Variants in DGKI observed in about 807,000 individuals in gnomAD.
The protein encoded by DGKI is DAG kinase iota.
Under a neutral mutation model 147.5 loss-of-function variants are expected in DGKI, and 55 were observed. That is an observed-to-expected ratio of 0.37 (90% confidence interval 0.30 to 0.47). The LOEUF (loss-of-function observed/expected upper bound fraction) is 0.47, where lower values mean the gene tolerates loss of function less well. Among genes scored for constraint, DGKI ranks in the 20% least tolerant of loss-of-function variants. The pLI, the probability that DGKI is intolerant of heterozygous loss-of-function variation, is 1.00. For missense variants in DGKI, 1,007 were observed against 1,323.8 expected (o/e 0.76, Z 3.71); for synonymous variants, 469 against 477.1 (o/e 0.98, Z 0.22).
At chr7:137,699,706 T>C (rs1823911667) in intron 1 of DGKI, among the ~76,000 whole-genome samples, 1 of 152,198 alleles carries the variant, frequency 6.6e-6, no homozygotes, top group Non-Finnish European at 1.5e-5. Context: ...ACAGGGCTGT[T>C]CCCAGTAAAA....
rs11982903 is a variant in DGKI, at chr7:137,634,555, G to A, written c.804+10917C>T. Among the ~76,000 whole-genome samples the A allele has an allele frequency of 1.9e-3, 289 of 152,276 alleles. 2 individuals are homozygous for A. Among genetic ancestry groups the A allele is most frequent in the African/African-American group, 6.3e-3 (262 of 41,532 alleles). ...AGATCACTACATCATAAGGTTGAGT[G>A]AGCCCAGCCTTAATCCATTGTTATA... On this transcript the variant is annotated intron_variant, in intron 6 of 32. Transcript: ENST00000614521.
chr7:137,528,004 A>C (rs923414555), intron 20 of DGKI, among the ~76,000 whole-genome samples: 31 of 152,228 alleles, frequency 2.0e-4, no homozygotes, highest in African/African-American at 7.0e-4. Context: ...CAGCTCCAGC[A>C]GCTAGAACAA....
At chr7:137,572,137 G>A (rs1818814834) in intron 18 of DGKI, among the ~76,000 whole-genome samples, 1 of 152,150 alleles carries the variant, frequency 6.6e-6, no homozygotes, top group Non-Finnish European at 1.5e-5. Flanking sequence ...TGAGTTGTTT[G>A]GCAGGCAAAT....
In DGKI at chr7:137,696,431, C is replaced by CTTT. The variant is rs10609322; in HGVS notation, c.402-6432_402-6430dup. Among the ~76,000 whole-genome samples the CTTT allele has an allele frequency of 1.0e-2, 366 of 36,628 alleles. 53 individuals are homozygous for CTTT. The highest frequency in any genetic ancestry group is 0.026 in the Middle Eastern group (1 of 38). The allele number at this position is 36,628 out of a possible 152,430, so 24.0% of individuals were successfully genotyped here. A position where few individuals can be genotyped will look rare whatever the true frequency, so the allele number is the denominator to read the frequency against. ...GTAAATAAATGCAATGCCCAAAAGA[C>CTTT]TTTTTTTTTTTTTTTTTTTTTTTTT... On this transcript the variant is annotated intron_variant, in intron 1 of 32. Coordinates refer to ENST00000614521, the MANE Select transcript of DGKI (RefSeq NM_001321708.2).
At chr7:137,716,040 G>A (rs1251056140) in intron 1 of DGKI, among the ~76,000 whole-genome samples, 1 of 152,190 alleles carries the variant, frequency 6.6e-6, no homozygotes, top group Non-Finnish European at 1.5e-5. Context: ...GCATGAAGGT[G>A]GATGGCTGAG....
At chr7:137,611,058 C>T (rs907021837) in intron 8 of DGKI, among the ~76,000 whole-genome samples, 2 of 152,136 alleles carry the variant, frequency 1.3e-5, no homozygotes, top group African/African-American at 4.8e-5. Flanking sequence ...AATAGATCTT[C>T]GAGTTTCTAA....
chr7:137,657,419 T>C (rs941305560), intron 3 of DGKI, among the ~76,000 whole-genome samples: 1 of 152,194 alleles, frequency 6.6e-6, no homozygotes, highest in Non-Finnish European at 1.5e-5. Context: ...GAAATAAAAC[T>C]TTTTAAAGTT....
chr7:137,819,472 A>G (rs1237670019), intron 1 of DGKI, among the ~76,000 whole-genome samples: 6 of 151,934 alleles, frequency 3.9e-5, no homozygotes, highest in Non-Finnish European at 8.8e-5. Flanking sequence ...CACCACGCCC[A>G]GCTAATTTTT....
intron 20 of DGKI, among the ~76,000 whole-genome samples, chr7:137,522,570 T>C (rs1289741121): frequency 6.6e-6 from 1 of 152,104 alleles, no homozygotes; most frequent in Non-Finnish European, 1.5e-5. Flanking sequence ...TGTTTAAATA[T>C]GTACAGTGTC....
chr7:137,443,980 A>G (rs2128917383), intron 28 of DGKI, 97 bp downstream of exon 28: 2 of 1,028,294 alleles, frequency 1.9e-6, no homozygotes, highest in East Asian at 2.8e-5. Context: ...TCTTAGAGAC[A>G]TTTGCTTAAA....
intron 5 of DGKI, among the ~76,000 whole-genome samples, chr7:137,646,614 C>A (rs1310201964): frequency 6.6e-6 from 1 of 152,162 alleles, no homozygotes; most frequent in Non-Finnish European, 1.5e-5. Flanking sequence ...ACACCAATAC[C>A]CCTAAAGTAC....
At chr7:137,797,034 G>A (rs983642562) in intron 1 of DGKI, among the ~76,000 whole-genome samples, 6 of 152,016 alleles carry the variant, frequency 3.9e-5, no homozygotes, top group East Asian at 1.9e-4. Flanking sequence ...GTCAAAAACC[G>A]AATCAGACAG....
At chr7:137,520,462 G>A (rs993107021) in intron 21 of DGKI, among the ~76,000 whole-genome samples, 11 of 152,032 alleles carry the variant, frequency 7.2e-5, no homozygotes, top group East Asian at 1.9e-4. Flanking sequence ...TCGCTTATAA[G>A]TTCACTTAGA....
At chr7:137,747,545 T>G (rs1795376328) in intron 1 of DGKI, among the ~76,000 whole-genome samples, 1 of 152,220 alleles carries the variant, frequency 6.6e-6, no homozygotes, top group Admixed American at 6.5e-5. Flanking sequence ...CTAGGGGGTA[T>G]GTAAACTCCC....
At chr7:137,723,812 T>C (rs1269714886) in intron 1 of DGKI, among the ~76,000 whole-genome samples, 1 of 148,986 alleles carries the variant, frequency 6.7e-6, no homozygotes, top group African/African-American at 2.5e-5. Context: ...TGGGCTCAAG[T>C]GATTCCCCTG....
chr7:137,797,252 A>C (rs1362692890), intron 1 of DGKI, among the ~76,000 whole-genome samples: 1 of 152,222 alleles, frequency 6.6e-6, no homozygotes, highest in East Asian at 1.9e-4. Flanking sequence ...ATAATCAAAC[A>C]CTGAGAGAAC....
chr7:137,619,376 G>A (rs1350619576), intron 8 of DGKI, among the ~76,000 whole-genome samples: 1 of 152,210 alleles, frequency 6.6e-6, no homozygotes, highest in African/African-American at 2.4e-5. Flanking sequence ...GGAAGGTCAT[G>A]ATTCATGGTC....
intron 3 of DGKI, among the ~76,000 whole-genome samples, chr7:137,666,818 C>T (rs1162590759): frequency 6.6e-6 from 1 of 152,196 alleles, no homozygotes; most frequent in Non-Finnish European, 1.5e-5. Context: ...CCTTAAAAAT[C>T]CATAATTCTG....
chr7:137,563,354 A>G (rs1219194605), intron 19 of DGKI, among the ~76,000 whole-genome samples: 1 of 151,980 alleles, frequency 6.6e-6, no homozygotes, highest in Non-Finnish European at 1.5e-5. Flanking sequence ...CAATACAAAC[A>G]TGTGCATTCT....
Sources: gnomAD v4.1 joint callset for allele counts (sites outside exome capture counted in the v4.1 genomes callset) on GRCh38, gnomAD v4.1.1 for gene constraint, MANE v1.5 for transcripts, NCBI Gene and HGNC (gene_info 2026-07-23, HGNC 2026-07-21) for gene names.